Variants in TENM4 observed in about 807,000 individuals in gnomAD.
TENM4 encodes the protein teneurin-4.
A neutral mutation model predicts 243.3 loss-of-function variants in TENM4; 82 were observed. That is an observed-to-expected ratio of 0.34 (90% CI 0.28 to 0.40). The LOEUF is 0.40. Ranked by LOEUF, TENM4 falls within the 10% of genes least tolerant of loss-of-function variation. The pLI, the probability that TENM4 is intolerant of heterozygous loss-of-function variation, is 1.00. For missense variants in TENM4, 3,138 were observed against 3,673.3 expected, an observed-to-expected ratio of 0.85 and a Z score of 3.77; for synonymous variants, 1,412 against 1,456.3, an observed-to-expected ratio of 0.97 and a Z score of 0.69.
chr11:78,733,596 C>G (rs781551613), intron 20 of TENM4, among the ~76,000 whole-genome samples: 4 of 152,186 alleles, frequency 2.6e-5, no homozygotes, highest in Non-Finnish European at 5.9e-5. Flanking sequence ...GCAGACAAAC[C>G]TAGCAAGGCA....
chr11:79,215,693 G>A (rs1015501118), intron 3 of TENM4, 115 bp downstream of exon 3: 10 of 926,484 alleles, frequency 1.1e-5, no homozygotes, highest in African/African-American at 1.8e-5. Context: ...CTGCCAAGTC[G>A]TAAAAGCCTC....
In TENM4 at chr11:79,113,784, G is replaced by A. The variant is rs541877284; in HGVS notation, c.-66+34926C>T. ...TGCTGCCCTCAGAGGCTGTCCTGGGGCCCAGCATTTACTGTCTGACCCTTA... is the reference window on the plus strand; with the variant it reads ...TGCTGCCCTCAGAGGCTGTCCTGGGACCCAGCATTTACTGTCTGACCCTTA... On this transcript the variant is annotated intron_variant, in intron 4 of 33. Transcript: ENST00000278550. Among the ~76,000 whole-genome samples, 5 of 152,252 alleles carry A rather than the reference G, an allele frequency of 3.3e-5. No individual in the cohort carries two copies. In the East Asian group the frequency reaches 9.6e-4, roughly 29 times the overall value.
intron 4 of TENM4, among the ~76,000 whole-genome samples, chr11:79,091,258 A>C (rs889053532): frequency 1.3e-5 from 2 of 152,336 alleles, no homozygotes; most frequent in Admixed American, 1.3e-4. Context: ...TGATTTATAA[A>C]GTATCAGCTT....
At chr11:79,258,494 AG>A (rs1855738710) in intron 2 of TENM4, among the ~76,000 whole-genome samples, 1 of 152,184 alleles carries the variant, frequency 6.6e-6, no homozygotes, top group African/African-American at 2.4e-5. Context: ...GGTAAGGGCC[AG>A]GACAGGGCTT....
In TENM4 at chr11:78,920,238, C is replaced by A. The variant is rs149564964; in HGVS notation, c.494-16715G>T. Among the ~76,000 whole-genome samples the A allele has an allele frequency of 1.9e-3, 287 of 152,286 alleles. 2 individuals carry two copies. Among genetic ancestry groups the A allele is most frequent in the African/African-American group, 6.6e-3 (276 of 41,566 alleles). ...CAAATATTTTTTTCCTGGAGCACCT[C>A]TCATATGCCAGGCATTGAATCAGGC... On this transcript the variant is annotated intron_variant, in intron 6 of 33. Transcript: ENST00000278550.
chr11:79,421,351 T>C (rs186456252), intron 1 of TENM4, among the ~76,000 whole-genome samples: 99 of 152,324 alleles, frequency 6.5e-4, no homozygotes, highest in African/African-American at 2.2e-3. Context: ...TATCAAGGAA[T>C]TTACCTGTGT....
At chr11:79,301,598 C>T (rs1856549818) in intron 1 of TENM4, among the ~76,000 whole-genome samples, 1 of 152,204 alleles carries the variant, frequency 6.6e-6, no homozygotes, top group Non-Finnish European at 1.5e-5. Flanking sequence ...GAGAACCAGG[C>T]TGTATGCTCT....
intron 6 of TENM4, among the ~76,000 whole-genome samples, chr11:78,925,487 A>C (rs948098687): frequency 6.6e-6 from 1 of 152,096 alleles, no homozygotes; most frequent in Non-Finnish European, 1.5e-5. Context: ...GGGAAGGAAA[A>C]TGCAGGAGAG....
chr11:78,856,339 A>AC (rs1555091018), intron 10 of TENM4, among the ~76,000 whole-genome samples, 161 bp from the exon 11 acceptor site: 1 of 151,566 alleles, frequency 6.6e-6, no homozygotes, highest in Non-Finnish European at 1.5e-5. Context: ...CCCCACATGG[A>AC]GGAGTAAAAA....
intron 4 of TENM4, among the ~76,000 whole-genome samples, chr11:79,126,310 T>C (rs866964007): frequency 2.0e-5 from 3 of 152,294 alleles, no homozygotes; most frequent in African/African-American, 7.2e-5. Context: ...GCTTGTGAAA[T>C]AGATTTGTGA....
At chr11:79,108,152 C>T (rs1287493809) in intron 4 of TENM4, among the ~76,000 whole-genome samples, 1 of 152,150 alleles carries the variant, frequency 6.6e-6, no homozygotes, top group African/African-American at 2.4e-5. Context: ...GTCAATGTGG[C>T]CAGGCCTTAG....
intron 19 of TENM4, among the ~76,000 whole-genome samples, chr11:78,754,110 T>C (rs1044350574): frequency 3.3e-5 from 5 of 152,238 alleles, no homozygotes; most frequent in Admixed American, 6.5e-5. Context: ...ATGTGTAAGA[T>C]GAAGTGTTTC....
intron 2 of TENM4, among the ~76,000 whole-genome samples, chr11:79,233,713 G>C (rs993896156): frequency 6.6e-6 from 1 of 152,140 alleles, no homozygotes; most frequent in African/African-American, 2.4e-5. Flanking sequence ...GGCCAGTAGA[G>C]CCCTGGTATG....
intron 18 of TENM4, among the ~76,000 whole-genome samples, chr11:78,762,727 C>T (rs1856456540): frequency 6.6e-6 from 1 of 152,196 alleles, no homozygotes; most frequent in Non-Finnish European, 1.5e-5. Flanking sequence ...CTGCAGTTTA[C>T]AAGACCAGCT....
intron 4 of TENM4, among the ~76,000 whole-genome samples, chr11:79,138,346 TA>T (rs1249235151): frequency 2.4e-5 from 3 of 123,016 alleles, no homozygotes; most frequent in African/African-American, 9.3e-5. Flanking sequence ...ATATAATATA[TA>T]AAAATATATA....
At position 79,091,725 on chromosome 11, in the gene TENM4, G is replaced by T. The variant is rs535396809; in HGVS notation, c.-65-21716C>A. ...AGGTCTGAAAAACATGGGACTGCAG[G>T]ATGCCAACACAGACCTTCACATCCT... On this transcript the variant is annotated intron_variant, in intron 4 of 33. Coordinates refer to ENST00000278550, the MANE Select transcript of TENM4 (RefSeq NM_001098816.3). Among the ~76,000 whole-genome samples, 19 of 152,222 alleles carry T rather than the reference G, an allele frequency of 1.2e-4. No homozygotes were observed. The East Asian group carries it at 3.3e-3, about 26-fold the overall frequency.
chr11:79,253,493 G>A (rs1481606310), intron 2 of TENM4, among the ~76,000 whole-genome samples: 4 of 152,176 alleles, frequency 2.6e-5, no homozygotes, highest in East Asian at 3.9e-4. Flanking sequence ...TGTGACCTCC[G>A]GAGGCTCACA....
chr11:79,259,183 C>G (rs1855749344), intron 2 of TENM4, among the ~76,000 whole-genome samples: 1 of 152,092 alleles, frequency 6.6e-6, no homozygotes, highest in Non-Finnish European at 1.5e-5. Flanking sequence ...AGTTATGTAC[C>G]TACGCAGACT....
Position 78,657,486 on chromosome 11 carries a change from A to T in TENM4, c.*572T>A. 1 of 312,968 alleles carries T rather than the reference A, an allele frequency of 3.2e-6. No homozygotes were observed. The highest frequency in any genetic ancestry group is 5.1e-5 in the East Asian group (1 of 19,550). The allele number at this position is 312,968 out of a possible 1,614,324, so 19.4% of individuals were successfully genotyped here. On this transcript the variant is annotated 3_prime_UTR_variant, in exon 34 of 34. Transcript: ENST00000278550. The stretch of plus-strand genomic sequence containing the variant: ...CTGGAGCAAGATGAAGCCATCTATG[A>T]TCCTCTGGAGGCAGAGAACAAGGTG...
Sources: gnomAD v4.1 joint callset for allele counts (sites outside exome capture counted in the v4.1 genomes callset) on GRCh38, gnomAD v4.1.1 for gene constraint, MANE v1.5 for transcripts, NCBI Gene and HGNC (gene_info 2026-07-23, HGNC 2026-07-21) for gene names.